The following OTUD7A variants were observed in gnomAD, a reference collection of about 807,000 sequenced individuals.
The protein encoded by OTUD7A is OTU domain-containing protein 7A.
Under a neutral mutation model 65.7 loss-of-function variants are expected in OTUD7A, and 12 were observed. The observed-to-expected ratio is 0.18, with a 90% confidence interval of 0.12 to 0.30. The LOEUF is 0.30. OTUD7A is among the 10% of genes least tolerant of loss of function. The pLI is 1.00. For missense variants in OTUD7A, 1,148 were observed against 1,304.8 expected (o/e 0.88, Z 1.85); for synonymous variants, 641 against 586.3 (o/e 1.09, Z -1.35).
rs1000282518 is a variant in OTUD7A at position 31,779,693 on chromosome 15, G to A, written c.-100+90814C>T. ...CTCCTAGTGCAACTTCCTGAACATC[G>A]GCCTAGGTTGTCACTGTTAGGATCT... On this transcript the variant is annotated intron_variant, in intron 1 of 12. Coordinates refer to ENST00000307050, the MANE Select transcript of OTUD7A (RefSeq NM_001382637.1). Among the ~76,000 whole-genome samples the A allele has an allele frequency of 3.4e-4, 51 of 152,110 alleles. 1 individual carries two copies. The highest frequency in any genetic ancestry group is 3.4e-3 in the Middle Eastern group (1 of 294).
rs1263936759 is a variant in OTUD7A at position 31,483,857 on chromosome 15, C to T, written c.2239G>A (p.Gly747Ser). Residue 747 changes from glycine to serine, a missense_variant, in exon 13 of 13, where the codon GGC becomes AGC. This residue lies in a region of OTUD7A where 842 missense variants were observed against 769.5 expected (regional missense o/e 1.09). Transcript: ENST00000307050. The part of the protein sequence containing the change: ...AAGRAARAAA[G>S]GTASPGGGAR... Reference sequence around the variant, plus strand: ...CCTCCCCCCGGGGAGGCCGTGCCGCCCGCCGCCGCCCGCGCCGCACGCCCT... The same window carrying T: ...CCTCCCCCCGGGGAGGCCGTGCCGCTCGCCGCCGCCCGCGCCGCACGCCCT... 56 of 984,616 alleles carry T rather than the reference C, an allele frequency of 5.7e-5. No individual in the cohort carries two copies. The highest frequency in any genetic ancestry group is 6.6e-5 in the Non-Finnish European group (55 of 831,478). 61.0% of individuals were successfully genotyped at this position (984,616 alleles called of 1,614,324 possible).
At chr15:31,864,837 G>A (rs889270112) in intron 1 of OTUD7A, among the ~76,000 whole-genome samples, 4 of 151,770 alleles carry the variant, frequency 2.6e-5, no homozygotes, top group African/African-American at 7.3e-5. Flanking sequence ...GGTTACAAGT[G>A]CAAACTATGA....
At chr15:31,586,097 G>C (rs951349399) in intron 3 of OTUD7A, among the ~76,000 whole-genome samples, 2 of 152,196 alleles carry the variant, frequency 1.3e-5, no homozygotes, top group African/African-American at 4.8e-5. Flanking sequence ...GCTCCTGCCA[G>C]TTACGATTAC....
intron 1 of OTUD7A, among the ~76,000 whole-genome samples, chr15:31,815,438 T>G (rs145280267): frequency 6.6e-6 from 1 of 152,234 alleles, no homozygotes; most frequent in Non-Finnish European, 1.5e-5. Context: ...GCTGGGGTGA[T>G]GTACAATCAT....
At chr15:31,583,815 C>T (rs1246743653) in intron 3 of OTUD7A, among the ~76,000 whole-genome samples, 1 of 152,114 alleles carries the variant, frequency 6.6e-6, no homozygotes, top group Admixed American at 6.5e-5. Flanking sequence ...CCATGACCTC[C>T]AGGGAACCCT....
chr15:31,568,110 C>T lies in OTUD7A; in HGVS notation c.331+1908G>A, dbSNP rs543374168. 3.9e-5 allele frequency among the ~76,000 whole-genome samples: 6 copies of T among 152,350 alleles called. No homozygotes were observed. In the East Asian group the frequency reaches 1.2e-3, roughly 29 times the overall value. On this transcript the variant is annotated intron_variant, in intron 4 of 12. Coordinates refer to ENST00000307050, the MANE Select transcript of OTUD7A (RefSeq NM_001382637.1). ...GCCTAGTAAAGCCGTGAGAAGGGGG[C>T]CACCACCTTCCAGACTCCAGAATGG...
rs2041011747 is a variant in OTUD7A at position 31,476,053 on chromosome 15, A to G, written c.*7241T>C. The G allele has an allele frequency of 6.6e-6, 1 of 152,384 alleles. No homozygotes were observed. Among genetic ancestry groups the G allele is most frequent in the Non-Finnish European group, 1.5e-5 (1 of 68,040 alleles). 9.4% of individuals were successfully genotyped at this position (152,384 alleles called of 1,614,324 possible). On this transcript the variant is annotated 3_prime_UTR_variant, in exon 13 of 13. Coordinates refer to ENST00000307050, the MANE Select transcript of OTUD7A (RefSeq NM_001382637.1). ...TCAAAGGTGATGGTGAATGGAGTTC[A>G]AACTCCGTAGATGAGGCAGTAACAG...
intron 1 of OTUD7A, among the ~76,000 whole-genome samples, chr15:31,771,268 T>G (rs1895227669): frequency 6.6e-6 from 1 of 152,218 alleles, no homozygotes; most frequent in Non-Finnish European, 1.5e-5. Context: ...TTTCTTGGTC[T>G]GGGTACCGGT....
At chr15:31,553,306 G>C (rs762640848) in intron 5 of OTUD7A, among the ~76,000 whole-genome samples, 1 of 152,096 alleles carries the variant, frequency 6.6e-6, no homozygotes, top group Non-Finnish European at 1.5e-5. Context: ...CCCAGCCTGA[G>C]TCTTTGGAAA....
intron 10 of OTUD7A, among the ~76,000 whole-genome samples, chr15:31,489,116 T>C (rs2041281567): frequency 1.3e-5 from 2 of 152,132 alleles, no homozygotes; most frequent in South Asian, 2.1e-4. Context: ...CATAGTTCTA[T>C]GAGTCACTAC....
chr15:31,762,021 G>T (rs1395214718), intron 1 of OTUD7A, among the ~76,000 whole-genome samples: 1 of 152,158 alleles, frequency 6.6e-6, no homozygotes, highest in Non-Finnish European at 1.5e-5. Flanking sequence ...CTGGTAATGG[G>T]TAAGAATTTC....
At chr15:31,713,492 G>A (rs1176477392) in intron 1 of OTUD7A, among the ~76,000 whole-genome samples, 5 of 152,200 alleles carry the variant, frequency 3.3e-5, no homozygotes, top group Non-Finnish European at 7.4e-5. Flanking sequence ...GGTGGTGGGC[G>A]CCTGTAGTCC....
At chr15:31,827,608 T>C (rs2140979585) in intron 1 of OTUD7A, among the ~76,000 whole-genome samples, 1 of 152,338 alleles carries the variant, frequency 6.6e-6, no homozygotes, top group South Asian at 2.1e-4. Flanking sequence ...TACTTTAATG[T>C]TCTCCTTCTT....
chr15:31,672,598 A>C (rs1892508476), intron 1 of OTUD7A, among the ~76,000 whole-genome samples: 1 of 152,198 alleles, frequency 6.6e-6, no homozygotes, highest in Non-Finnish European at 1.5e-5. Context: ...GCCCAGTGGC[A>C]GAGTAAGGAT....
At chr15:31,791,112 C>T (rs561720043) in intron 1 of OTUD7A, among the ~76,000 whole-genome samples, 20 of 152,196 alleles carry the variant, frequency 1.3e-4, no homozygotes, top group African/African-American at 3.9e-4. Context: ...CTGCAACCTC[C>T]GCATCCTGGG....
At chr15:31,811,175 A>G (rs1567035631) in intron 1 of OTUD7A, among the ~76,000 whole-genome samples, 1 of 152,192 alleles carries the variant, frequency 6.6e-6, no homozygotes, top group Non-Finnish European at 1.5e-5. Context: ...GGTGGAAAAT[A>G]TAATAATACT....
chr15:31,503,832 C>G lies in OTUD7A; in HGVS notation c.894-14G>C. 1 of 1,614,014 alleles carries G rather than the reference C, an allele frequency of 6.2e-7. No homozygotes were observed. The highest frequency in any genetic ancestry group is 8.5e-7 in the Non-Finnish European group (1 of 1,179,990). ...GAGTTGTCCACACTGTGAAACAAAACAGAGCCAGCTGGTCACTGACTAAAA... is the reference window on the plus strand; with the variant it reads ...GAGTTGTCCACACTGTGAAACAAAAGAGAGCCAGCTGGTCACTGACTAAAA... On this transcript the variant is annotated splice_polypyrimidine_tract_variant and intron_variant, in intron 8 of 12. Coordinates refer to ENST00000307050, the MANE Select transcript of OTUD7A (RefSeq NM_001382637.1).
At chr15:31,616,083 A>G (rs544962232) in intron 3 of OTUD7A, among the ~76,000 whole-genome samples, 1 of 152,190 alleles carries the variant, frequency 6.6e-6, no homozygotes, top group Non-Finnish European at 1.5e-5. Context: ...AAGCGGTGAA[A>G]CCTCTTAGCT....
chr15:31,832,502 A>C (rs1016938555), intron 1 of OTUD7A, among the ~76,000 whole-genome samples: 1 of 152,216 alleles, frequency 6.6e-6, no homozygotes, highest in African/African-American at 2.4e-5. Context: ...TTAAGTGTAC[A>C]CTTCTAAGGC....
Sources: allele counts gnomAD v4.1 joint callset (sites outside exome capture counted in the v4.1 genomes callset), GRCh38; gene constraint gnomAD v4.1.1; regional missense constraint gnomAD v4.1.1; transcripts MANE v1.5; gene names NCBI Gene and HGNC (gene_info 2026-07-23, HGNC 2026-07-21).